Variants in CSMD1 observed in about 807,000 individuals in gnomAD.
The protein encoded by CSMD1 is CUB and Sushi multiple domains 1, also known as CUB and sushi domain-containing protein 1.
In CSMD1, 213 loss-of-function variants were observed where a neutral mutation model predicts 417.5. That is an observed-to-expected ratio of 0.51 (90% CI 0.46 to 0.57). CSMD1 has a LOEUF of 0.57. Ranked by LOEUF, CSMD1 falls within the 20% of genes least tolerant of loss-of-function variation. The probability of loss-of-function intolerance (pLI) is 0.00; values close to 1 mark genes in which losing one functional copy is unlikely to be tolerated. For missense variants in CSMD1, 6,923 were observed against 4,529.7 expected (o/e 1.53, Z -15.17); for synonymous variants, 2,862 against 1,736.8 (o/e 1.65, Z -16.11).
chr8:4,031,884 A>C (rs776502728), intron 4 of CSMD1, 21 bp downstream of exon 4: 1 of 1,587,486 alleles, frequency 6.3e-7, no homozygotes, highest in African/African-American at 1.3e-5. Context: ...TCTGCTCACC[A>C]GCCCCCTTGT....
chr8:4,052,545 A>C (rs2130700335), intron 3 of CSMD1, among the ~76,000 whole-genome samples: 1 of 152,260 alleles, frequency 6.6e-6, no homozygotes, highest in South Asian at 2.1e-4. Context: ...TCAATGCACC[A>C]AATTTGAGGA....
At chr8:3,549,697 G>T (rs746696382) in intron 10 of CSMD1, among the ~76,000 whole-genome samples, 4 of 152,138 alleles carry the variant, frequency 2.6e-5, no homozygotes, top group Admixed American at 6.5e-5. Flanking sequence ...TGGACGCCGT[G>T]TGCTGCCTTG....
At position 4,963,959 on chromosome 8, in the gene CSMD1, C is replaced by G. The variant is rs146315127; in HGVS notation, c.85+30373G>C. On this transcript the variant is annotated intron_variant, in intron 1 of 69. Transcript: ENST00000635120. The stretch of plus-strand genomic sequence containing the variant: ...AAACAAGCTGATTTCATACCAAATA[C>G]TCTATAACATATAGATTGTCAAATC... Among the ~76,000 whole-genome samples, 647 of 152,184 alleles carry G rather than the reference C, an allele frequency of 4.3e-3. 8 individuals are homozygous for G. The highest frequency in any genetic ancestry group is 0.014 in the African/African-American group (586 of 41,540).
intron 1 of CSMD1, among the ~76,000 whole-genome samples, chr8:4,668,463 T>C (rs1805087727): frequency 6.8e-6 from 1 of 146,138 alleles, no homozygotes; most frequent in African/African-American, 2.5e-5. Flanking sequence ...TTATTATTAT[T>C]ATTTGAGATG....
intron 46 of CSMD1, among the ~76,000 whole-genome samples, chr8:3,101,372 G>C (rs2129012659): frequency 6.6e-6 from 1 of 152,278 alleles, no homozygotes; most frequent in African/African-American, 2.4e-5. Context: ...CTCTTACTCA[G>C]GTTTTTCTAC....
intron 7 of CSMD1, among the ~76,000 whole-genome samples, chr8:3,693,698 G>A (rs1331894903): frequency 2.0e-5 from 3 of 152,070 alleles, no homozygotes; most frequent in African/African-American, 7.2e-5. Context: ...GAAACAGAAC[G>A]GGAATTAGAA....
At position 3,888,900 on chromosome 8, in the gene CSMD1, T is replaced by C. The variant is rs542601553; in HGVS notation, c.818+109003A>G. On this transcript the variant is annotated intron_variant, in intron 5 of 69. Transcript: ENST00000635120. ...TCAATATCAATGATGATTTTCGTCA[T>C]ATAATTAAAAGCATATCTTTATACC... is the stretch of plus-strand genomic sequence containing the variant. Among the ~76,000 whole-genome samples, 160 of 152,330 alleles carry C rather than the reference T, an allele frequency of 1.1e-3. 2 individuals carry two copies. Among genetic ancestry groups the C allele is most frequent in the African/African-American group, 1.1e-3 (47 of 41,578 alleles).
At chr8:4,529,359 A>C (rs1369032991) in intron 2 of CSMD1, among the ~76,000 whole-genome samples, 1 of 152,226 alleles carries the variant, frequency 6.6e-6, no homozygotes, top group Non-Finnish European at 1.5e-5. Flanking sequence ...AGCAGGCATT[A>C]ATATGTTTGC....
intron 3 of CSMD1, among the ~76,000 whole-genome samples, chr8:4,064,637 C>T (rs1249930920): frequency 2.6e-5 from 4 of 152,150 alleles, no homozygotes; most frequent in African/African-American, 9.7e-5. Context: ...CCTTCACATA[C>T]ATGGTTTCTA....
At chr8:4,142,807 T>G (rs17069132) in intron 3 of CSMD1, among the ~76,000 whole-genome samples, 21 of 151,148 alleles carry the variant, frequency 1.4e-4, no homozygotes, top group Admixed American at 1.3e-3. Flanking sequence ...TATTTATTTT[T>G]AAAAGCCTAA....
chr8:4,800,209 CG>C, intron 1 of CSMD1, among the ~76,000 whole-genome samples: 1 of 152,092 alleles, frequency 6.6e-6, no homozygotes, highest in Middle Eastern at 3.4e-3. Context: ...GAAGCCAAGG[CG>C]GATGGATCAC....
chr8:3,203,013 T>A (rs1468537180), intron 31 of CSMD1, among the ~76,000 whole-genome samples: 1 of 152,088 alleles, frequency 6.6e-6, no homozygotes, highest in Non-Finnish European at 1.5e-5. Context: ...CCTCCCCAAG[T>A]TCATTAGATT....
rs1454662818 is a variant in CSMD1 at position 4,265,868 on chromosome 8, T to C, written c.415+154085A>G. On this transcript the variant is annotated intron_variant, in intron 3 of 69. Transcript: ENST00000635120. ...CAGCTATTTCTATAGGTCCATGGTG[T>C]CCCCACAGATAAAGATTCCCACACA... Among the ~76,000 whole-genome samples the C allele has an allele frequency of 1.9e-5, 2 of 104,514 alleles. 1 individual carries two copies. The highest frequency in any genetic ancestry group is 1.8e-4 in the Admixed American group (2 of 10,998). 68.6% of individuals were successfully genotyped at this position (104,514 alleles called of 152,430 possible).
chr8:4,433,422 C>A (rs1433128146), intron 2 of CSMD1, among the ~76,000 whole-genome samples: 1 of 151,970 alleles, frequency 6.6e-6, no homozygotes, highest in Non-Finnish European at 1.5e-5. Context: ...ACCTTTGAAC[C>A]AGGAATAGGG....
At chr8:3,163,002 A>G (rs1335388500) in intron 37 of CSMD1, among the ~76,000 whole-genome samples, 1 of 152,214 alleles carries the variant, frequency 6.6e-6, no homozygotes, top group Non-Finnish European at 1.5e-5. Flanking sequence ...TCATAAGAAT[A>G]AACAAGATAT....
chr8:3,289,586 G>A (rs1333993481), intron 25 of CSMD1, among the ~76,000 whole-genome samples: 1 of 38,576 alleles, frequency 2.6e-5, no homozygotes, highest in Non-Finnish European at 1.0e-4. Context: ...GTGATGATGA[G>A]CATTTTTTCA....
chr8:3,519,520 A>G (rs1039297827), intron 10 of CSMD1, among the ~76,000 whole-genome samples: 2 of 152,132 alleles, frequency 1.3e-5, no homozygotes, highest in Admixed American at 6.6e-5. Flanking sequence ...AGTATACAGC[A>G]CAGTGTCAGA....
chr8:2,958,679 G>A (rs1803211433), intron 62 of CSMD1, among the ~76,000 whole-genome samples: 1 of 152,194 alleles, frequency 6.6e-6, no homozygotes, highest in Non-Finnish European at 1.5e-5. Flanking sequence ...GGGAAGGCGG[G>A]TTTGCACTCA....
intron 3 of CSMD1, among the ~76,000 whole-genome samples, chr8:4,349,033 TAC>T (rs1487116543): frequency 7.9e-5 from 12 of 152,238 alleles, no homozygotes; most frequent in Admixed American, 4.6e-4. Context: ...GCCGAAATCT[TAC>T]ATTCTTGCTA....
Sources: allele counts gnomAD v4.1 joint callset (sites outside exome capture counted in the v4.1 genomes callset), GRCh38; gene constraint gnomAD v4.1.1; transcripts MANE v1.5; gene names NCBI Gene and HGNC (gene_info 2026-07-23, HGNC 2026-07-21).